AGMO: variants seen among roughly 807,000 people sequenced by gnomAD.
AGMO encodes alkylglycerol monooxygenase.
A neutral mutation model predicts 60.2 loss-of-function variants in AGMO; 75 were observed. The ratio of observed to expected loss-of-function variants is 1.25; its 90% CI spans 1.03 to 1.51. AGMO has a LOEUF of 1.51. Ranked by LOEUF, AGMO falls within the 40% of genes most tolerant of loss-of-function variation. AGMO has a pLI of 0.00. For missense variants in AGMO, 763 were observed against 525.5 expected (o/e 1.45, Z -4.42); for synonymous variants, 261 against 177.1 (o/e 1.47, Z -3.76).
chr7:15,243,027 G>GT (rs2128503587), intron 12 of AGMO, among the ~76,000 whole-genome samples: 1 of 152,036 alleles, frequency 6.6e-6, no homozygotes, highest in African/African-American at 2.4e-5. Flanking sequence ...GGAATTTAAT[G>GT]TATCACTTTA....
rs79929915 is a variant in AGMO at position 15,327,298 on chromosome 7, G to T, written c.1263+38216C>A. Among the ~76,000 whole-genome samples the T allele has an allele frequency of 0.014, 2,084 of 152,178 alleles. 125 individuals are homozygous for T. The East Asian group carries it at 0.22, about 16-fold the overall frequency. On this transcript the variant is annotated intron_variant, in intron 12 of 12. Coordinates refer to ENST00000342526, the MANE Select transcript of AGMO (RefSeq NM_001004320.2). Reference sequence around the variant, plus strand: ...TAAAAATAGAAAATGCTTGGGGCTAGGTTTCCATGAAGAAAAAGAAATAAG... The same window carrying T: ...TAAAAATAGAAAATGCTTGGGGCTATGTTTCCATGAAGAAAAAGAAATAAG...
At chr7:15,272,238 C>T (rs909641644) in intron 12 of AGMO, among the ~76,000 whole-genome samples, 3 of 150,940 alleles carry the variant, frequency 2.0e-5, no homozygotes, top group South Asian at 2.1e-4. Context: ...CATTAACTCG[C>T]CATTTACATT....
In AGMO at chr7:15,561,803, C is replaced by G. The variant is rs776437721; in HGVS notation, c.43G>C (p.Gly15Arg). Reference sequence around the variant, plus strand: ...ATCGTGTAAAACAACATGCGAAATCCCTGGGAAACTGAAACATCCTGCTGG... The same window carrying G: ...ATCGTGTAAAACAACATGCGAAATCGCTGGGAAACTGAAACATCCTGCTGG... ...EAQQDVSVSQ[G>R]FRMLFYTMKP... Residue 15 changes from glycine (G) to arginine (R), a missense_variant, in exon 1 of 13, where the codon GGA (glycine) becomes CGA (arginine). Gly to Arg is a moderately radical substitution (Grantham distance 125). Transcript: ENST00000342526. 23 of 1,609,576 alleles carry G rather than the reference C, an allele frequency of 1.4e-5. No individual in the cohort carries two copies. In the African/African-American group the frequency reaches 3.1e-4, roughly 22 times the overall value.
chr7:15,376,637 T>A (rs1304032155), intron 10 of AGMO, among the ~76,000 whole-genome samples: 1 of 152,126 alleles, frequency 6.6e-6, no homozygotes, highest in Non-Finnish European at 1.5e-5. Flanking sequence ...ATATTCAAAC[T>A]GTTTTTTGTG....
chr7:15,362,182 AG>A (rs1782794614), intron 12 of AGMO, among the ~76,000 whole-genome samples: 1 of 152,206 alleles, frequency 6.6e-6, no homozygotes, highest in Non-Finnish European at 1.5e-5. Flanking sequence ...TAAATGGCAA[AG>A]ATTTACATAA....
chr7:15,431,162 C>A, intron 3 of AGMO, 54 bp from the exon 4 acceptor site: 1 of 1,296,874 alleles, frequency 7.7e-7, no homozygotes, highest in South Asian at 1.2e-5. Context: ...AAGCAACTTC[C>A]ATTTTCAGTT....
intron 12 of AGMO, among the ~76,000 whole-genome samples, chr7:15,349,997 TTTA>T (rs1282973164): frequency 6.6e-6 from 1 of 152,082 alleles, no homozygotes; most frequent in Admixed American, 6.6e-5. Flanking sequence ...ATGGTAACTA[TTTA>T]ATATTTTTTA....
intron 3 of AGMO, among the ~76,000 whole-genome samples, chr7:15,465,474 G>A (rs1427876539): frequency 1.3e-5 from 2 of 151,066 alleles, no homozygotes; most frequent in South Asian, 2.1e-4. Context: ...CCAGGCTGGA[G>A]AACAGTGGCA....
At chr7:15,366,117 A>C (rs1782966351) in intron 11 of AGMO, 23 bp downstream of exon 11, 1 of 1,571,494 alleles carries the variant, frequency 6.4e-7, no homozygotes, top group Non-Finnish European at 8.7e-7. Context: ...AAGTAAAAAC[A>C]ATGCAAGAAT....
intron 3 of AGMO, among the ~76,000 whole-genome samples, chr7:15,441,663 C>T (rs1781559271): frequency 6.6e-6 from 1 of 152,134 alleles, no homozygotes. Flanking sequence ...TCCCCTGCAG[C>T]ACGTTTGCCT....
chr7:15,321,024 G>C (rs4721427), intron 12 of AGMO, among the ~76,000 whole-genome samples: 12,397 of 152,186 alleles, frequency 0.081, 719 homozygotes, highest in South Asian at 0.23. Context: ...TACACAGACA[G>C]AGACAGAAAC....
At chr7:15,301,596 T>C (rs879820706) in intron 12 of AGMO, among the ~76,000 whole-genome samples, 3 of 152,068 alleles carry the variant, frequency 2.0e-5, no homozygotes, top group Admixed American at 2.0e-4. Flanking sequence ...TCTATACAGA[T>C]GAATATGTAA....
chr7:15,275,904 C>CT (rs1783772651), intron 12 of AGMO, among the ~76,000 whole-genome samples: 1 of 151,954 alleles, frequency 6.6e-6, no homozygotes, highest in Admixed American at 6.6e-5. Context: ...TTTTCCACCA[C>CT]TTTCAGTCTG....
intron 5 of AGMO, chr7:15,396,715 TG>T: frequency 6.6e-6 from 1 of 151,940 alleles, no homozygotes; most frequent in African/African-American, 2.4e-5. Flanking sequence ...TACAGAGAGC[TG>T]ATTGGTCCAC....
intron 3 of AGMO, among the ~76,000 whole-genome samples, chr7:15,445,325 T>C (rs1013317475): frequency 6.6e-6 from 1 of 152,182 alleles, no homozygotes; most frequent in African/African-American, 2.4e-5. Flanking sequence ...CAAAACTATA[T>C]TGGACACATT....
chr7:15,169,891 T>C, the AGMO span, among the ~76,000 whole-genome samples: 2 of 152,222 alleles, frequency 1.3e-5, no homozygotes, highest in Non-Finnish European at 2.9e-5. Flanking sequence ...CTATTGCTGG[T>C]TCTGGGTGGA....
At chr7:15,214,778 T>C (rs1002623969) in intron 12 of AGMO, among the ~76,000 whole-genome samples, 2 of 152,160 alleles carry the variant, frequency 1.3e-5, no homozygotes, top group East Asian at 3.9e-4. Context: ...CACCTTGCAA[T>C]TGGTGGTAAG....
chr7:15,402,445 T>C (rs1452409519), intron 5 of AGMO, among the ~76,000 whole-genome samples: 1 of 151,700 alleles, frequency 6.6e-6, no homozygotes, highest in Non-Finnish European at 1.5e-5. Context: ...TAATTCACTA[T>C]AGGCTCATGC....
rs373845365 is a variant in AGMO, at chr7:15,432,379, T to TATACACAC, written c.410-1272_410-1271insGTGTGTAT. ...ATATATATACACACACATATATATA[T>TATACACAC]ACACTATCTGGGTAAATTTTGGCCA... On this transcript the variant is annotated intron_variant, in intron 3 of 12. Transcript: ENST00000342526. 4.9e-4 allele frequency among the ~76,000 whole-genome samples: 67 copies of TATACACAC among 136,174 alleles called. 1 individual carries two copies. Among genetic ancestry groups the TATACACAC allele is most frequent in the Middle Eastern group, 4.0e-3 (1 of 252 alleles). 89.3% of individuals were successfully genotyped at this position (136,174 alleles called of 152,430 possible).
Sources: gnomAD v4.1 joint callset for allele counts (sites outside exome capture counted in the v4.1 genomes callset) on GRCh38, gnomAD v4.1.1 for gene constraint, MANE v1.5 for transcripts, NCBI Gene and HGNC (gene_info 2026-07-23, HGNC 2026-07-21) for gene names.